Variants in CSGALNACT1 observed in about 807,000 individuals in gnomAD.
The protein encoded by CSGALNACT1 is chondroitin sulfate N-acetylgalactosaminyltransferase 1, also known as beta4GalNAcT-1.
In CSGALNACT1, 52 loss-of-function variants were observed where a neutral mutation model predicts 51.0. The observed-to-expected ratio is 1.02, with a 90% CI of 0.82 to 1.29. The LOEUF (loss-of-function observed/expected upper bound fraction) is 1.29. Among genes scored for constraint, CSGALNACT1 ranks in the 50% most tolerant of loss-of-function variants. CSGALNACT1 has a pLI of 0.00. For synonymous variants in CSGALNACT1, 341 were observed against 254.4 expected (o/e 1.34, Z -3.24); for missense variants, 935 against 679.2 (o/e 1.38, Z -4.19).
In CSGALNACT1 at chr8:19,598,929, G is replaced by A. The variant is rs147923775; in HGVS notation, c.-416+2842C>T. On this transcript the variant is annotated intron_variant, in intron 2 of 9. Transcript: ENST00000454498. Reference sequence around the variant, plus strand: ...TTGTTTGGTGCCTTATAAGAGCCAGGCACTGGTCCTCAAGCTAGAGTACAG... The same window carrying A: ...TTGTTTGGTGCCTTATAAGAGCCAGACACTGGTCCTCAAGCTAGAGTACAG... Among the ~76,000 whole-genome samples the A allele has an allele frequency of 9.8e-5, 15 of 152,286 alleles. No homozygotes were observed. The East Asian group carries it at 2.3e-3, about 24-fold the overall frequency.
At chr8:19,610,769 G>T (rs2052137042) in intron 1 of CSGALNACT1, among the ~76,000 whole-genome samples, 1 of 152,228 alleles carries the variant, frequency 6.6e-6, no homozygotes, top group Non-Finnish European at 1.5e-5. Flanking sequence ...GCCCACATGT[G>T]ATCTGATTCT....
chr8:19,551,828 T>G (rs2088192588), intron 3 of CSGALNACT1, among the ~76,000 whole-genome samples: 1 of 152,206 alleles, frequency 6.6e-6, no homozygotes, highest in Non-Finnish European at 1.5e-5. Context: ...ATCTTATTTT[T>G]TACCTATCAT....
intron 6 of CSGALNACT1, among the ~76,000 whole-genome samples, chr8:19,439,114 T>G (rs1225517932): frequency 2.0e-5 from 3 of 152,236 alleles, no homozygotes; most frequent in Non-Finnish European, 4.4e-5. Flanking sequence ...GCAGCGCCAT[T>G]CTGGCTTACA....
intron 3 of CSGALNACT1, among the ~76,000 whole-genome samples, chr8:19,583,183 A>G (rs1436069612): frequency 6.6e-6 from 1 of 152,196 alleles, no homozygotes; most frequent in Admixed American, 6.5e-5. Context: ...TTTTTAAAAA[A>G]AAATCCATTA....
At chr8:19,738,556 G>A (rs953185190) in intron 1 of CSGALNACT1, among the ~76,000 whole-genome samples, 16 of 152,110 alleles carry the variant, frequency 1.1e-4, no homozygotes, top group African/African-American at 2.9e-4. Flanking sequence ...ATGAACATTC[G>A]TGATGGTTAC....
chr8:19,564,667 T>C (rs923395276), intron 3 of CSGALNACT1, among the ~76,000 whole-genome samples: 1 of 152,194 alleles, frequency 6.6e-6, no homozygotes, highest in Non-Finnish European at 1.5e-5. Flanking sequence ...TCAGAATTCA[T>C]CTTAAAATCA....
chr8:19,655,356 T>C (rs148269805), intron 1 of CSGALNACT1, among the ~76,000 whole-genome samples: 75 of 152,232 alleles, frequency 4.9e-4, no homozygotes, highest in African/African-American at 1.7e-3. Flanking sequence ...TCCTATTTGC[T>C]AGTTGGGTGT....
chr8:19,642,912 A>G (rs1226672065), intron 1 of CSGALNACT1, among the ~76,000 whole-genome samples: 1 of 152,180 alleles, frequency 6.6e-6, no homozygotes, highest in Non-Finnish European at 1.5e-5. Flanking sequence ...TCTCCATTTC[A>G]AAATATAATT....
intron 1 of CSGALNACT1, among the ~76,000 whole-genome samples, chr8:19,653,794 T>C (rs550135886): frequency 2.1e-3 from 221 of 105,854 alleles, no homozygotes; most frequent in African/African-American, 6.7e-3. Context: ...TGATACCTTG[T>C]CTTAAAAAAA....
intron 1 of CSGALNACT1, among the ~76,000 whole-genome samples, chr8:19,638,565 A>T (rs1036234701): frequency 6.6e-6 from 1 of 152,242 alleles, no homozygotes; most frequent in Non-Finnish European, 1.5e-5. Flanking sequence ...GGCTAACAAT[A>T]AGGGGCAAAG....
chr8:19,416,438 T>A (rs1252066801), intron 8 of CSGALNACT1, among the ~76,000 whole-genome samples: 1 of 152,078 alleles, frequency 6.6e-6, no homozygotes, highest in Non-Finnish European at 1.5e-5. Flanking sequence ...AAAATAAGTT[T>A]AGTGTCACCT....
chr8:19,705,691 C>A (rs1056997606), intron 1 of CSGALNACT1, among the ~76,000 whole-genome samples: 3 of 151,924 alleles, frequency 2.0e-5, no homozygotes, highest in Admixed American at 6.6e-5. Context: ...GAGCTGAGAT[C>A]GCACTACTTC....
At chr8:19,561,098 A>T (rs2040604447) in intron 3 of CSGALNACT1, among the ~76,000 whole-genome samples, 1 of 152,202 alleles carries the variant, frequency 6.6e-6, no homozygotes. Context: ...AATAATTATC[A>T]AAAGAGTGGT....
At chr8:19,562,927 G>A (rs2041094315) in intron 3 of CSGALNACT1, among the ~76,000 whole-genome samples, 1 of 152,070 alleles carries the variant, frequency 6.6e-6, no homozygotes, top group Non-Finnish European at 1.5e-5. Flanking sequence ...CCCATTACTG[G>A]GTATATACCC....
chr8:19,551,133 GA>G (rs5889874), intron 3 of CSGALNACT1, among the ~76,000 whole-genome samples: 3,065 of 152,062 alleles, frequency 0.02, 88 homozygotes, highest in African/African-American at 0.063. Context: ...GAACAATGAA[GA>G]AAAAAACAAC....
chr8:19,634,654 C>G (rs941341287), intron 1 of CSGALNACT1, among the ~76,000 whole-genome samples: 3 of 152,110 alleles, frequency 2.0e-5, no homozygotes, highest in African/African-American at 4.8e-5. Flanking sequence ...AGAGTGAGAC[C>G]TGTCTCAATA....
intron 4 of CSGALNACT1, among the ~76,000 whole-genome samples, chr8:19,459,213 C>T (rs924243383): frequency 1.3e-5 from 2 of 151,694 alleles, no homozygotes; most frequent in South Asian, 2.1e-4. Context: ...TGGTGAAACC[C>T]CATCTCTACT....
At chr8:19,669,443 G>C (rs115359992) in intron 1 of CSGALNACT1, among the ~76,000 whole-genome samples, 1 of 151,988 alleles carries the variant, frequency 6.6e-6, no homozygotes, top group Admixed American at 6.6e-5. Flanking sequence ...TAATTTTTTT[G>C]TTGTTGTTTG....
upstream of CSGALNACT1, among the ~76,000 whole-genome samples, chr8:19,607,351 G>A (rs190106007): frequency 1.3e-5 from 2 of 152,184 alleles, no homozygotes; most frequent in East Asian, 3.9e-4. Context: ...GGCTGGAGAG[G>A]ATCCGCATTA....
Sources: allele counts gnomAD v4.1 joint callset (sites outside exome capture counted in the v4.1 genomes callset), GRCh38; gene constraint gnomAD v4.1.1; transcripts MANE v1.5; gene names NCBI Gene and HGNC (gene_info 2026-07-23, HGNC 2026-07-21).